The following SHISA9 variants were observed in gnomAD, a reference collection of about 807,000 sequenced individuals.
The protein encoded by SHISA9 is shisa family member 9, also known as protein shisa-9.
In SHISA9, 13 loss-of-function variants were observed where a neutral mutation model predicts 38.0. That is an observed-to-expected ratio of 0.34 (90% CI 0.22 to 0.54). The LOEUF (loss-of-function observed/expected upper bound fraction) is 0.54, where lower values mean the gene tolerates loss of function less well. Among genes scored for constraint, SHISA9 ranks in the 20% least tolerant of loss-of-function variants. The probability of loss-of-function intolerance (pLI) is 0.91; values close to 1 mark genes in which losing one functional copy is unlikely to be tolerated. For synonymous variants in SHISA9, 275 were observed against 242.0 expected (o/e 1.14, Z -1.27); for missense variants, 538 against 575.8 (o/e 0.93, Z 0.67).
At chr16:13,278,161 C>G in the SHISA9 span, among the ~76,000 whole-genome samples, 7 of 152,114 alleles carry the variant, frequency 4.6e-5, no homozygotes, top group African/African-American at 1.7e-4. Context: ...TTTTCTGCAT[C>G]TATTGAGATG....
intron 4 of SHISA9, among the ~76,000 whole-genome samples, chr16:13,225,366 C>T (rs2051268816): frequency 6.6e-6 from 1 of 152,194 alleles, no homozygotes; most frequent in African/African-American, 2.4e-5. Flanking sequence ...AACAAACGAA[C>T]ACACACTGTG....
chr16:13,554,159 A>G, the SHISA9 span, among the ~76,000 whole-genome samples: 2 of 152,102 alleles, frequency 1.3e-5, no homozygotes, highest in Non-Finnish European at 2.9e-5. Flanking sequence ...TGCCTCTTAC[A>G]TACAGAGTCT....
intron 2 of SHISA9, among the ~76,000 whole-genome samples, chr16:13,013,388 A>T (rs2072702455): frequency 6.6e-6 from 1 of 152,060 alleles, no homozygotes. Flanking sequence ...TGATATTCAG[A>T]GCCTGGCCGG....
intron 2 of SHISA9, among the ~76,000 whole-genome samples, chr16:12,970,400 T>TGC (rs2072050594): frequency 2.0e-4 from 1 of 5,124 alleles, no homozygotes; most frequent in African/African-American, 5.4e-4. Context: ...TATATATATA[T>TGC]ATACATATAT....
At chr16:13,187,845 C>T (rs898744821) in intron 2 of SHISA9, among the ~76,000 whole-genome samples, 3 of 152,168 alleles carry the variant, frequency 2.0e-5, no homozygotes, top group Admixed American at 6.5e-5. Context: ...TGCTTCCACA[C>T]GTTGACCATG....
chr16:13,024,195 G>A (rs2072892615), intron 2 of SHISA9, among the ~76,000 whole-genome samples: 1 of 152,208 alleles, frequency 6.6e-6, no homozygotes, highest in Admixed American at 6.5e-5. Context: ...GCCCAGGTCT[G>A]CTGTTTCCAG....
chr16:13,207,570 G>T (rs567870489), intron 3 of SHISA9, among the ~76,000 whole-genome samples: 1 of 151,800 alleles, frequency 6.6e-6, no homozygotes, highest in Non-Finnish European at 1.5e-5. Context: ...TCCTAGATGG[G>T]GTTGATGTAC....
chr16:12,969,582 T>TA (rs889203922), intron 2 of SHISA9, among the ~76,000 whole-genome samples: 93 of 151,966 alleles, frequency 6.1e-4, no homozygotes, highest in African/African-American at 2.1e-3. Flanking sequence ...CTGTCTCTAC[T>TA]AAAAAAACAG....
At chr16:13,228,487 C>T (rs2051300754) in intron 4 of SHISA9, among the ~76,000 whole-genome samples, 1 of 152,124 alleles carries the variant, frequency 6.6e-6, no homozygotes, top group Admixed American at 6.5e-5. Flanking sequence ...AAACAGGAAC[C>T]ATTGAATGCA....
chr16:13,013,835 C>G (rs1054324676), intron 2 of SHISA9, among the ~76,000 whole-genome samples: 2 of 152,254 alleles, frequency 1.3e-5, no homozygotes, highest in East Asian at 1.9e-4. Context: ...TCACGCCATT[C>G]TCCTGCCTCA....
chr16:13,500,357 A>G, the SHISA9 span, among the ~76,000 whole-genome samples: 1 of 152,196 alleles, frequency 6.6e-6, no homozygotes, highest in Non-Finnish European at 1.5e-5. Context: ...TAAATTACCC[A>G]GTCTCAGGTA....
intron 3 of SHISA9, among the ~76,000 whole-genome samples, chr16:13,211,509 G>A (rs1007885885): frequency 2.6e-5 from 4 of 151,620 alleles, no homozygotes; most frequent in South Asian, 4.2e-4. Flanking sequence ...AAATATTTTC[G>A]TCACACTGAA....
At chr16:13,137,566 C>A (rs1317210103) in intron 2 of SHISA9, among the ~76,000 whole-genome samples, 1 of 151,456 alleles carries the variant, frequency 6.6e-6, no homozygotes, top group Non-Finnish European at 1.5e-5. Context: ...AGTGATTCTT[C>A]TGTCTCAGCC....
At chr16:13,105,443 G>A (rs1419537409) in intron 2 of SHISA9, among the ~76,000 whole-genome samples, 1 of 152,092 alleles carries the variant, frequency 6.6e-6, no homozygotes, top group African/African-American at 2.4e-5. Flanking sequence ...TGGTCTTCCC[G>A]GGCTCCTGGG....
At chr16:13,262,631 T>TGGAAGGAAGGAAGGAAGGAAGGAAGGAA in the SHISA9 span, among the ~76,000 whole-genome samples, 169 of 77,996 alleles carry the variant, frequency 2.2e-3, 3 homozygotes, top group Admixed American at 2.8e-3. Flanking sequence ...ATTGTTATTG[T>TGGAAGGAAGGAAGGAAGGAAGGAAGGAA]GGAAGGAAGG....
At chr16:13,222,815 TACAC>T (rs56153007) in intron 4 of SHISA9, among the ~76,000 whole-genome samples, 3 of 70,924 alleles carry the variant, frequency 4.2e-5, no homozygotes, top group African/African-American at 1.9e-4. Context: ...TATATATACA[TACAC>T]ACACCACAAG....
the SHISA9 span, among the ~76,000 whole-genome samples, chr16:13,357,483 C>T: frequency 6.6e-6 from 1 of 152,118 alleles, no homozygotes; most frequent in Admixed American, 6.5e-5. Context: ...GACTTGAGGT[C>T]GTAGGTGGAT....
the SHISA9 span, among the ~76,000 whole-genome samples, chr16:13,482,884 A>C: frequency 1.3e-5 from 2 of 151,636 alleles, no homozygotes; most frequent in African/African-American, 4.8e-5. Context: ...AGATCTGTCT[A>C]ACTCTACTGC....
At chr16:13,535,005 G>A in the SHISA9 span, among the ~76,000 whole-genome samples, 2 of 152,152 alleles carry the variant, frequency 1.3e-5, no homozygotes, top group African/African-American at 4.8e-5. Context: ...AGCACCTTCA[G>A]AGGCTGAGGC....
Sources: gnomAD v4.1 joint callset for allele counts (sites outside exome capture counted in the v4.1 genomes callset) on GRCh38, gnomAD v4.1.1 for gene constraint, MANE v1.5 for transcripts, NCBI Gene and HGNC (gene_info 2026-07-23, HGNC 2026-07-21) for gene names.